Variants in MICAL3 observed in about 807,000 individuals in gnomAD.
MICAL3 encodes the protein microtubule associated monooxygenase, calponin and LIM domain containing 3, also known as [F-actin]-monooxygenase MICAL3.
In MICAL3, 62 loss-of-function variants were observed where a neutral mutation model predicts 207.4. That is an observed-to-expected ratio of 0.30 (90% CI 0.24 to 0.37). The LOEUF (loss-of-function observed/expected upper bound fraction) is 0.37, where lower values mean the gene tolerates loss of function less well. Among genes scored for constraint, MICAL3 ranks in the 10% least tolerant of loss-of-function variants. The pLI is 1.00. For synonymous variants in MICAL3, 1,077 were observed against 1,069.3 expected, an observed-to-expected ratio of 1.01 and a Z score of -0.14; for missense variants, 2,368 against 2,635.6, an observed-to-expected ratio of 0.90 and a Z score of 2.22.
At chr22:17,890,339 C>A (rs773510824) in intron 12 of MICAL3, among the ~76,000 whole-genome samples, 3 of 152,028 alleles carry the variant, frequency 2.0e-5, no homozygotes, top group Non-Finnish European at 4.4e-5. Context: ...CTTCTCCAGG[C>A]GCCCCTCCAC....
chr22:17,910,298 A>G (rs1932034113), intron 1 of MICAL3, among the ~76,000 whole-genome samples: 1 of 152,068 alleles, frequency 6.6e-6, no homozygotes, highest in Admixed American at 6.6e-5. Flanking sequence ...TAACAACCCC[A>G]TGGCTGGTTG....
chr22:17,897,422 C>CAAA (rs71754131), intron 7 of MICAL3, among the ~76,000 whole-genome samples: 866 of 41,164 alleles, frequency 0.021, 31 homozygotes, highest in African/African-American at 0.053. Context: ...GACTCCAACT[C>CAAA]AAAAAAAAAA....
intron 1 of MICAL3, among the ~76,000 whole-genome samples, chr22:17,924,592 G>A (rs1261680808): frequency 6.6e-6 from 1 of 152,066 alleles, no homozygotes; most frequent in Non-Finnish European, 1.5e-5. Flanking sequence ...ATGCTCAACT[G>A]GTAGGTATAG....
At chr22:17,831,539 G>C (rs557798971) in intron 21 of MICAL3, among the ~76,000 whole-genome samples, 1 of 152,260 alleles carries the variant, frequency 6.6e-6, no homozygotes, top group East Asian at 1.9e-4. Context: ...GAAACTACAG[G>C]GCAAAAAGAG....
At chr22:18,016,419 C>T (rs193036842) in intron 1 of MICAL3, among the ~76,000 whole-genome samples, 250 of 152,110 alleles carry the variant, frequency 1.6e-3, no homozygotes, top group Middle Eastern at 6.8e-3. Flanking sequence ...TATTCTTTTT[C>T]GTGTGCAGTT....
chr22:17,830,781 T>C (rs529215487), intron 21 of MICAL3, among the ~76,000 whole-genome samples: 4 of 152,312 alleles, frequency 2.6e-5, no homozygotes, highest in African/African-American at 9.6e-5. Flanking sequence ...AGCAGGTCCT[T>C]AGGGAGCCCG....
intron 1 of MICAL3, among the ~76,000 whole-genome samples, chr22:17,920,643 T>C (rs937311880): frequency 1.1e-4 from 16 of 152,182 alleles, no homozygotes; most frequent in African/African-American, 3.9e-4. Context: ...CCCTTGATTT[T>C]TATCATTCTG....
chr22:17,976,912 T>C (rs1373691548), intron 1 of MICAL3, among the ~76,000 whole-genome samples: 1 of 151,594 alleles, frequency 6.6e-6, no homozygotes, highest in African/African-American at 2.4e-5. Flanking sequence ...GTTCACGCCA[T>C]TCTCCTGCCT....
chr22:17,994,062 C>CAGGACAGTGTG (rs1296325652), intron 1 of MICAL3, among the ~76,000 whole-genome samples: 5 of 152,298 alleles, frequency 3.3e-5, no homozygotes, highest in Middle Eastern at 3.4e-3. Flanking sequence ...CGTGGGCACT[C>CAGGACAGTGTG]AGGACAGTGT....
chr22:18,011,160 T>A (rs1021776665), intron 1 of MICAL3, among the ~76,000 whole-genome samples: 1 of 152,186 alleles, frequency 6.6e-6, no homozygotes, highest in Non-Finnish European at 1.5e-5. Flanking sequence ...TCATTGATTT[T>A]CATAATCAAT....
intron 1 of MICAL3, among the ~76,000 whole-genome samples, chr22:17,919,175 C>T (rs1247315040): frequency 6.6e-6 from 1 of 151,770 alleles, no homozygotes; most frequent in African/African-American, 2.4e-5. Flanking sequence ...GGCGATTCTC[C>T]TGCCTCAGGC....
intron 1 of MICAL3, among the ~76,000 whole-genome samples, chr22:17,958,491 T>C (rs778711102): frequency 1.3e-5 from 2 of 152,080 alleles, no homozygotes; most frequent in Non-Finnish European, 2.9e-5. Flanking sequence ...CACCCCATCC[T>C]CACCCTCATC....
chr22:17,827,556 G>C lies in MICAL3; in HGVS notation c.3193+88C>G, dbSNP rs898721589. On this transcript the variant is annotated intron_variant, in intron 22 of 31. Transcript: ENST00000441493. The stretch of plus-strand genomic sequence containing the variant: ...CGTGTGTGACCTCATGGGTGGCTCT[G>C]CCCTGACAGAAAGGCCCCCTGTGGC... The C allele has an allele frequency of 7.0e-6, 10 of 1,433,492 alleles. No individual in the cohort carries two copies. The African/African-American group carries it at 1.1e-4, about 16-fold the overall frequency. 88.8% of individuals were successfully genotyped at this position (1,433,492 alleles called of 1,614,324 possible).
At chr22:17,933,697 G>C (rs1933379842) in intron 1 of MICAL3, among the ~76,000 whole-genome samples, 1 of 152,036 alleles carries the variant, frequency 6.6e-6, no homozygotes, top group Non-Finnish European at 1.5e-5. Context: ...CTGGTTTTTT[G>C]AAACGATCAA....
intron 16 of MICAL3, among the ~76,000 whole-genome samples, chr22:17,883,125 A>G (rs1267671785): frequency 1.3e-5 from 2 of 152,228 alleles, no homozygotes; most frequent in Non-Finnish European, 1.5e-5. Context: ...ACAGATCCTC[A>G]ACTAAGCATC....
At chr22:17,940,571 G>C (rs770602621) in intron 1 of MICAL3, among the ~76,000 whole-genome samples, 1 of 152,192 alleles carries the variant, frequency 6.6e-6, no homozygotes, top group Non-Finnish European at 1.5e-5. Context: ...GCAGAATACA[G>C]GGAAGAATAT....
At chr22:17,888,552 C>A (rs1930124379) in intron 13 of MICAL3, among the ~76,000 whole-genome samples, 1 of 152,142 alleles carries the variant, frequency 6.6e-6, no homozygotes, top group Non-Finnish European at 1.5e-5. Flanking sequence ...TTCTCCGGTG[C>A]TCAACAATGC....
In MICAL3 at chr22:17,899,551, G is replaced by A. The variant is rs749281710; in HGVS notation, c.848-3C>T. ...AACGATGTTCTCCAAGTCAATACCT[G>A]GGGCCAGAAGACAAACGTGTGCATG... On this transcript the variant is annotated splice_polypyrimidine_tract_variant and splice_region_variant and intron_variant, in intron 6 of 31. Coordinates refer to ENST00000441493, the MANE Select transcript of MICAL3 (RefSeq NM_015241.3). 5.7e-6 allele frequency: 9 copies of A among 1,581,368 alleles called. No individual in the cohort carries two copies. The highest frequency in any genetic ancestry group is 2.3e-5 in the East Asian group (1 of 44,270).
At chr22:17,922,038 GC>G (rs987141539) in intron 1 of MICAL3, among the ~76,000 whole-genome samples, 7 of 151,788 alleles carry the variant, frequency 4.6e-5, no homozygotes, top group African/African-American at 1.5e-4. Flanking sequence ...TGCCTACAAC[GC>G]CCCTCCTGCA....
Sources: allele counts gnomAD v4.1 joint callset (sites outside exome capture counted in the v4.1 genomes callset), GRCh38; gene constraint gnomAD v4.1.1; transcripts MANE v1.5; gene names NCBI Gene and HGNC (gene_info 2026-07-23, HGNC 2026-07-21).